Variants in TNRC6B observed in about 807,000 individuals in gnomAD.
TNRC6B encodes the protein trinucleotide repeat-containing gene 6B protein.
TNRC6B carries 52 observed loss-of-function variants against 203.6 expected under a neutral mutation model. The observed-to-expected ratio is 0.26, with a 90% CI of 0.20 to 0.32. The LOEUF (loss-of-function observed/expected upper bound fraction) is 0.32. Ranked by LOEUF, TNRC6B falls within the 10% of genes least tolerant of loss-of-function variation. The probability of loss-of-function intolerance (pLI) is 1.00; values close to 1 mark genes in which losing one functional copy is unlikely to be tolerated. For synonymous variants in TNRC6B, 838 were observed against 845.7 expected, an observed-to-expected ratio of 0.99 and a Z score of 0.16; for missense variants, 1,923 against 2,286.2, an observed-to-expected ratio of 0.84 and a Z score of 3.24.
At chr22:40,296,631 C>CTT (rs75183000) in intron 12 of TNRC6B, among the ~76,000 whole-genome samples, 81 of 141,012 alleles carry the variant, frequency 5.7e-4, no homozygotes, top group Middle Eastern at 3.8e-3. Context: ...CGCGCCCGGC[C>CTT]TTTTTTTTTT....
In TNRC6B at chr22:40,265,997, C is replaced by T; in HGVS notation, c.1767C>T (p.Gly589=). The T allele has an allele frequency of 3.1e-6, 5 of 1,613,880 alleles. No homozygotes were observed. Among genetic ancestry groups the T allele is most frequent in the Non-Finnish European group, 4.2e-6 (5 of 1,179,894 alleles). Residue 589 remains glycine (G), a synonymous_variant, in exon 5 of 23, where the codon GGC becomes GGT. Coordinates refer to ENST00000454349, the MANE Select transcript of TNRC6B (RefSeq NM_001162501.2). ...GAAGTAGTGACAGTCATAACTCTGG[C>T]CGTCGGTCGTACAGGCCCACACATC... ...KAGSSDSHNS[G]RRSYRPTHPD...
chr22:40,262,915 C>T (rs1313015892), intron 4 of TNRC6B, among the ~76,000 whole-genome samples: 1 of 152,024 alleles, frequency 6.6e-6, no homozygotes, highest in African/African-American at 2.4e-5. Flanking sequence ...TGGCGGGCTC[C>T]TGTAGTCCCA....
chr22:40,251,718 C>CAA (rs779335957), intron 3 of TNRC6B, among the ~76,000 whole-genome samples: 4 of 112,318 alleles, frequency 3.6e-5, no homozygotes, highest in Admixed American at 9.2e-5. Context: ...GACTCCGTCT[C>CAA]AAAAAAAAAA....
In TNRC6B at chr22:40,334,378, A is replaced by G. The variant is rs1039221379; in HGVS notation, c.*11137A>G. 6.6e-6 allele frequency: 1 copy of G among 152,516 alleles called. No homozygotes were observed. The highest frequency in any genetic ancestry group is 2.4e-5 in the African/African-American group (1 of 41,422). The allele number at this position is 152,516 out of a possible 1,614,324, so 9.4% of individuals were successfully genotyped here. On this transcript the variant is annotated 3_prime_UTR_variant, in exon 23 of 23. Coordinates refer to ENST00000454349, the MANE Select transcript of TNRC6B (RefSeq NM_001162501.2). Reference sequence around the variant, plus strand: ...TGCAGGAACATTTTTAACAGGTTTTAAAAAAACAAAAAACCCTTCTGGGAG... The same window carrying G: ...TGCAGGAACATTTTTAACAGGTTTTGAAAAAACAAAAAACCCTTCTGGGAG...
chr22:40,235,973 T>C (rs532304773), intron 1 of TNRC6B, among the ~76,000 whole-genome samples: 6 of 152,324 alleles, frequency 3.9e-5, no homozygotes, highest in South Asian at 2.1e-4. Context: ...CTTTTTTTAA[T>C]TGAAATTTTT....
At chr22:40,246,142 G>T (rs1198868642) in intron 2 of TNRC6B, 40 bp downstream of exon 2, 7 of 1,409,252 alleles carry the variant, frequency 5.0e-6, no homozygotes, top group Non-Finnish European at 6.7e-6. Context: ...TATCTGCTAG[G>T]CATCCAGCAT....
intron 1 of TNRC6B, among the ~76,000 whole-genome samples, chr22:40,236,836 G>A (rs1259352190): frequency 1.3e-5 from 2 of 152,164 alleles, no homozygotes; most frequent in African/African-American, 2.4e-5. Flanking sequence ...CATGCATACA[G>A]CAACCATTGG....
intron 1 of TNRC6B, among the ~76,000 whole-genome samples, chr22:40,184,476 C>A (rs1043023288): frequency 2.0e-5 from 3 of 151,998 alleles, no homozygotes; most frequent in Non-Finnish European, 2.9e-5. Context: ...AAAAACTAAG[C>A]CTTGACCAGA....
intron 1 of TNRC6B, among the ~76,000 whole-genome samples, chr22:40,200,181 A>G (rs931620936): frequency 8.6e-5 from 13 of 150,970 alleles, no homozygotes; most frequent in South Asian, 2.1e-4. Flanking sequence ...CTTCCCCTCA[A>G]TGGTTCTGGG....
At chr22:40,119,617 T>C (rs1311002931) in intron 2 of TNRC6B, among the ~76,000 whole-genome samples, 1 of 152,176 alleles carries the variant, frequency 6.6e-6, no homozygotes, top group Non-Finnish European at 1.5e-5. Context: ...CATACATACA[T>C]GCATACGTAA....
chr22:40,107,163 T>C (rs1174487277), intron 1 of TNRC6B: 1 of 548,762 alleles, frequency 1.8e-6, no homozygotes, highest in Admixed American at 3.5e-5. Flanking sequence ...CTAGGTACTT[T>C]TTGTATCCTA....
chr22:40,289,324 A>G (rs2070836781), intron 12 of TNRC6B, among the ~76,000 whole-genome samples: 1 of 152,048 alleles, frequency 6.6e-6, no homozygotes, highest in South Asian at 2.1e-4. Context: ...ACAAACAAAC[A>G]CTGGAAGTAA....
intron 3 of TNRC6B, among the ~76,000 whole-genome samples, chr22:40,127,639 A>G (rs1045035377): frequency 8.5e-5 from 13 of 152,194 alleles, no homozygotes; most frequent in Non-Finnish European, 1.5e-4. Context: ...TGGGAGTCCG[A>G]GGTGGGCAGA....
intron 1 of TNRC6B, among the ~76,000 whole-genome samples, chr22:40,103,075 CAAAATAAATAAATA>C (rs1328581108): frequency 6.6e-6 from 1 of 150,890 alleles, no homozygotes; most frequent in African/African-American, 2.4e-5. Context: ...GAGTCTGTCT[CAAAATAAATAAATA>C]AAAATAAATA....
chr22:40,291,455 C>T (rs1296876700), intron 12 of TNRC6B, among the ~76,000 whole-genome samples: 1 of 152,114 alleles, frequency 6.6e-6, no homozygotes, highest in Non-Finnish European at 1.5e-5. Flanking sequence ...TTAAAGAAAC[C>T]TCCAACCCAA....
chr22:40,318,828 T>C (rs985482069), intron 21 of TNRC6B, among the ~76,000 whole-genome samples: 7 of 152,228 alleles, frequency 4.6e-5, no homozygotes, highest in Admixed American at 2.6e-4. Flanking sequence ...CCAACACTTT[T>C]GGGAGGCTGA....
intron 1 of TNRC6B, among the ~76,000 whole-genome samples, chr22:40,089,233 T>C (rs2068127623): frequency 6.6e-6 from 1 of 151,528 alleles, no homozygotes; most frequent in Non-Finnish European, 1.5e-5. Flanking sequence ...CTTCATAGAC[T>C]TTTTTTTTCT....
At chr22:40,252,960 G>T (rs899509457) in intron 3 of TNRC6B, among the ~76,000 whole-genome samples, 5 of 152,164 alleles carry the variant, frequency 3.3e-5, no homozygotes, top group South Asian at 2.1e-4. Flanking sequence ...CAACATGGTG[G>T]TTGGGTTCCT....
At chr22:40,137,802 G>T (rs1193462126) in intron 3 of TNRC6B, among the ~76,000 whole-genome samples, 1 of 152,002 alleles carries the variant, frequency 6.6e-6, no homozygotes, top group Non-Finnish European at 1.5e-5. Flanking sequence ...TGGCCAACAT[G>T]GTGAAACCGC....
Sources: allele counts gnomAD v4.1 joint callset (sites outside exome capture counted in the v4.1 genomes callset), GRCh38; gene constraint gnomAD v4.1.1; transcripts MANE v1.5; gene names NCBI Gene and HGNC (gene_info 2026-07-23, HGNC 2026-07-21).